Variants in STT3B observed in about 807,000 individuals in gnomAD.
STT3B encodes the protein dolichyl-diphosphooligosaccharide--protein glycosyltransferase subunit STT3B.
In STT3B, 29 loss-of-function variants were observed where a neutral mutation model predicts 96.8. That is an observed-to-expected ratio of 0.30 (90% CI 0.22 to 0.41). STT3B has a LOEUF of 0.41. STT3B is among the 10% of genes least tolerant of loss of function. The probability of loss-of-function intolerance (pLI) is 1.00; values close to 1 mark genes in which losing one functional copy is unlikely to be tolerated. For missense variants in STT3B, 640 were observed against 1,022.3 expected (o/e 0.63, Z 5.10); for synonymous variants, 367 against 360.0 (o/e 1.02, Z -0.22).
At chr3:31,552,769 A>G (rs1697593728) in intron 1 of STT3B, among the ~76,000 whole-genome samples, 1 of 152,136 alleles carries the variant, frequency 6.6e-6, no homozygotes, top group Non-Finnish European at 1.5e-5. Context: ...CCTGTTTGCT[A>G]GTATCTTTAG....
At chr3:31,597,462 A>G (rs1422540415) in intron 4 of STT3B, among the ~76,000 whole-genome samples, 1 of 151,684 alleles carries the variant, frequency 6.6e-6, no homozygotes, top group Admixed American at 6.6e-5. Flanking sequence ...CTGGCCTGTC[A>G]TTTCTTTTTT....
chr3:31,603,796 T>A lies in STT3B; in HGVS notation c.877+3337T>A, dbSNP rs1005776573. 9.2e-5 allele frequency among the ~76,000 whole-genome samples: 14 copies of A among 152,200 alleles called. No individual in the cohort carries two copies. In the South Asian group the frequency reaches 1.2e-3, roughly 13 times the overall value. On this transcript the variant is annotated intron_variant, in intron 5 of 15. Transcript: ENST00000295770. ...GGGGAATGATTTTTTAATTGCAGTG[T>A]TGCCATATGGAATATTATGCAGCCT...
intron 13 of STT3B, among the ~76,000 whole-genome samples, chr3:31,627,794 T>C (rs1699566975): frequency 6.6e-6 from 1 of 152,214 alleles, no homozygotes; most frequent in Non-Finnish European, 1.5e-5. Flanking sequence ...AACTGTGACA[T>C]GTGATAGATC....
chr3:31,633,170 A>G (rs757094004), intron 15 of STT3B, 23 bp downstream of exon 15: 11 of 1,601,812 alleles, frequency 6.9e-6, no homozygotes, highest in South Asian at 3.3e-5. Context: ...TGAAGGCATT[A>G]AAGGGTAACT....
intron 1 of STT3B, among the ~76,000 whole-genome samples, chr3:31,556,685 T>A (rs113825807): frequency 2.0e-4 from 30 of 152,372 alleles, no homozygotes; most frequent in African/African-American, 7.2e-4. Flanking sequence ...CTTGGCCATT[T>A]GTATGTCTTC....
At chr3:31,577,245 G>C (rs1033192672) in intron 2 of STT3B, among the ~76,000 whole-genome samples, 2 of 151,588 alleles carry the variant, frequency 1.3e-5, no homozygotes, top group Non-Finnish European at 2.9e-5. Context: ...TTATTTTCAT[G>C]TTCTTTTTCT....
At chr3:31,629,449 A>G in intron 14 of STT3B, 38 bp downstream of exon 14, 3 of 1,181,124 alleles carry the variant, frequency 2.5e-6, no homozygotes, top group Non-Finnish European at 3.7e-6. Flanking sequence ...TTCATTCAAA[A>G]TAATGTTTAA....
intron 1 of STT3B, among the ~76,000 whole-genome samples, chr3:31,539,526 G>A (rs757870315): frequency 3.5e-4 from 53 of 152,234 alleles, no homozygotes; most frequent in Non-Finnish European, 7.2e-4. Context: ...TCCAGGGCCA[G>A]CTTAAATAAA....
intron 9 of STT3B, among the ~76,000 whole-genome samples, chr3:31,620,678 C>T (rs1699407663): frequency 6.6e-6 from 1 of 152,182 alleles, no homozygotes; most frequent in African/African-American, 2.4e-5. Context: ...AAGGCTTCTA[C>T]ATGATTTAAT....
At chr3:31,610,880 A>T (rs567503971) in intron 5 of STT3B, among the ~76,000 whole-genome samples, 1 of 152,334 alleles carries the variant, frequency 6.6e-6, no homozygotes, top group East Asian at 1.9e-4. Context: ...AATGAATGCC[A>T]GTAACTGTGC....
chr3:31,572,668 T>C (rs1698185859), intron 1 of STT3B, among the ~76,000 whole-genome samples: 1 of 152,074 alleles, frequency 6.6e-6, no homozygotes, highest in South Asian at 2.1e-4. Context: ...TGGAGACCAG[T>C]CTGGGCAACA....
At chr3:31,603,642 A>G (rs567671861) in intron 5 of STT3B, among the ~76,000 whole-genome samples, 1 of 152,246 alleles carries the variant, frequency 6.6e-6, no homozygotes, top group East Asian at 1.9e-4. Context: ...TTCTAATTTG[A>G]TTAAAGCTTA....
At chr3:31,608,857 C>T (rs891990021) in intron 5 of STT3B, among the ~76,000 whole-genome samples, 2 of 152,188 alleles carry the variant, frequency 1.3e-5, no homozygotes, top group Admixed American at 6.5e-5. Context: ...TGGCTCACGC[C>T]TGTAATCCCA....
At chr3:31,601,593 TAGGA>T (rs1192621804) in intron 5 of STT3B, among the ~76,000 whole-genome samples, 1 of 152,026 alleles carries the variant, frequency 6.6e-6, no homozygotes, top group Admixed American at 6.5e-5. Context: ...CCTGGGGATT[TAGGA>T]GGAGGAGAAT....
At chr3:31,556,861 T>C (rs1697725350) in intron 1 of STT3B, among the ~76,000 whole-genome samples, 1 of 152,250 alleles carries the variant, frequency 6.6e-6, no homozygotes, top group Admixed American at 6.5e-5. Context: ...TGTTGATTAT[T>C]TCCTTTGCTG....
At chr3:31,586,090 A>G (rs1698529046) in intron 3 of STT3B, among the ~76,000 whole-genome samples, 1 of 152,048 alleles carries the variant, frequency 6.6e-6, no homozygotes, top group African/African-American at 2.4e-5. Flanking sequence ...TGACAGTAAT[A>G]TTTACTCTAC....
At chr3:31,614,356 G>T (rs914464884) in intron 5 of STT3B, among the ~76,000 whole-genome samples, 1 of 151,868 alleles carries the variant, frequency 6.6e-6, no homozygotes, top group African/African-American at 2.4e-5. Context: ...CTAATCAATT[G>T]CGTAACAGTG....
intron 15 of STT3B, among the ~76,000 whole-genome samples, chr3:31,633,695 TATG>T (rs1262953349): frequency 6.6e-6 from 1 of 152,184 alleles, no homozygotes; most frequent in Non-Finnish European, 1.5e-5. Context: ...TTATATAAGA[TATG>T]AAGTATTTCA....
chr3:31,575,066 A>G (rs1209347980), intron 1 of STT3B, among the ~76,000 whole-genome samples: 2 of 152,128 alleles, frequency 1.3e-5, no homozygotes, highest in East Asian at 1.9e-4. Flanking sequence ...TTCATTAACT[A>G]TAGACTTTAA....
Sources: allele counts gnomAD v4.1 joint callset (sites outside exome capture counted in the v4.1 genomes callset), GRCh38; gene constraint gnomAD v4.1.1; transcripts MANE v1.5; gene names NCBI Gene and HGNC (gene_info 2026-07-23, HGNC 2026-07-21).